Variants in PDZD2 observed in about 807,000 individuals in gnomAD.
PDZD2 encodes the protein PDZ domain-containing protein 2.
In PDZD2, 90 loss-of-function variants were observed where a neutral mutation model predicts 220.7. That is an observed-to-expected ratio of 0.41 (90% CI 0.34 to 0.49). The LOEUF (loss-of-function observed/expected upper bound fraction) is 0.49, where lower values mean the gene tolerates loss of function less well. Ranked by LOEUF, PDZD2 falls within the 20% of genes least tolerant of loss-of-function variation. The pLI, the probability that PDZD2 is intolerant of heterozygous loss-of-function variation, is 0.28. For synonymous variants in PDZD2, 1,375 were observed against 1,450.5 expected, an observed-to-expected ratio of 0.95 and a Z score of 1.18; for missense variants, 3,174 against 3,608.5, an observed-to-expected ratio of 0.88 and a Z score of 3.08.
At chr5:31,727,072 G>T (rs1749190107) in intron 1 of PDZD2, among the ~76,000 whole-genome samples, 1 of 152,146 alleles carries the variant, frequency 6.6e-6, no homozygotes, top group Admixed American at 6.5e-5. Flanking sequence ...TGCAAGAAGA[G>T]CTCACTCACT....
chr5:31,811,019 G>A (rs758305868), intron 2 of PDZD2, among the ~76,000 whole-genome samples: 2 of 151,932 alleles, frequency 1.3e-5, no homozygotes, highest in Admixed American at 6.6e-5. Context: ...TCTCGCTGTC[G>A]CCTAGGCTGG....
intron 1 of PDZD2, among the ~76,000 whole-genome samples, chr5:31,750,357 G>A (rs545734026): frequency 6.6e-6 from 1 of 152,268 alleles, no homozygotes; most frequent in African/African-American, 2.4e-5. Flanking sequence ...CTTTGGGCAG[G>A]GCCCTACAGA....
chr5:31,947,224 GGTT>G (rs1248416763), intron 2 of PDZD2, among the ~76,000 whole-genome samples: 2 of 152,200 alleles, frequency 1.3e-5, no homozygotes, highest in Non-Finnish European at 2.9e-5. Flanking sequence ...TGTACTCTCT[GGTT>G]GTTGATGAAA....
chr5:31,679,999 A>G (rs1222647606), intron 1 of PDZD2, among the ~76,000 whole-genome samples: 1 of 152,248 alleles, frequency 6.6e-6, no homozygotes, highest in South Asian at 2.1e-4. Context: ...CAAAATGTTT[A>G]GCTCCAAAAG....
intron 2 of PDZD2, among the ~76,000 whole-genome samples, chr5:31,976,666 C>A (rs1215161570): frequency 6.8e-6 from 1 of 147,142 alleles, no homozygotes; most frequent in African/African-American, 2.5e-5. Flanking sequence ...GGTGGTGATA[C>A]AAGTTACTTT....
At chr5:32,092,106 T>G (rs1044307239) in intron 20 of PDZD2, among the ~76,000 whole-genome samples, 1 of 151,610 alleles carries the variant, frequency 6.6e-6, no homozygotes, top group African/African-American at 2.4e-5. Context: ...AAACCCCATC[T>G]CTACTAAAAA....
chr5:31,804,948 C>T (rs1015823586), intron 2 of PDZD2, among the ~76,000 whole-genome samples: 2 of 152,244 alleles, frequency 1.3e-5, no homozygotes, highest in African/African-American at 4.8e-5. Flanking sequence ...AATCCCAGCA[C>T]TTTGGGAGGC....
At position 32,089,401 on chromosome 5, in the gene PDZD2, C is replaced by T. The variant is rs1742853376; in HGVS notation, c.5953C>T (p.Pro1985Ser). The T allele has an allele frequency of 6.2e-7, 1 of 1,613,966 alleles. No homozygotes were observed. ...SDTSIRTFVSPLTSPKPVPEQ... is the reference protein window; with the variant it reads ...SDTSIRTFVSSLTSPKPVPEQ... ...CACGAGCATCAGGACATTTGTCTCGCCCCTGACCTCTCCCAAGCCTGTTCC... is the reference window on the plus strand; with the variant it reads ...CACGAGCATCAGGACATTTGTCTCGTCCCTGACCTCTCCCAAGCCTGTTCC... The change falls in exon 20 of 25, where the codon CCC becomes TCC. Residue 1985 changes from proline (P) to serine (S), a missense_variant. Around this residue, in one of 4 missense-constraint regions of PDZD2, gnomAD observed 1,861 missense variants for 2,001.0 expected, o/e 0.93. Transcript: ENST00000438447.
Position 31,982,535 on chromosome 5 carries a change from T to G in PDZD2, c.477-620T>G, listed in dbSNP as rs1229373915. Among the ~76,000 whole-genome samples the G allele has an allele frequency of 5.3e-5, 8 of 152,164 alleles. No homozygotes were observed. The East Asian group carries it at 1.5e-3, about 29-fold the overall frequency. ...GTTACCCAAGCTGGTCTCAAACCCC[T>G]GGACTCAAGTGGTCTGCCCACTTGG... On this transcript the variant is annotated intron_variant, in intron 2 of 24. Transcript: ENST00000438447.
chr5:31,810,173 T>A (rs188144883), intron 2 of PDZD2, among the ~76,000 whole-genome samples: 2 of 152,148 alleles, frequency 1.3e-5, no homozygotes, highest in Admixed American at 6.6e-5. Context: ...ATCTTTTCTG[T>A]CCGGGTACTA....
At chr5:31,926,721 A>G (rs867555077) in intron 2 of PDZD2, among the ~76,000 whole-genome samples, 15 of 152,158 alleles carry the variant, frequency 9.9e-5, no homozygotes, top group South Asian at 4.1e-4. Context: ...TACTAGGTAT[A>G]TACCTGAAAG....
At chr5:32,003,855 G>T (rs1254740438) in intron 5 of PDZD2, among the ~76,000 whole-genome samples, 1 of 152,134 alleles carries the variant, frequency 6.6e-6, no homozygotes, top group Non-Finnish European at 1.5e-5. Flanking sequence ...GGGATTACAG[G>T]TGCCCACCAC....
At chr5:31,957,575 G>T (rs540326059) in intron 2 of PDZD2, among the ~76,000 whole-genome samples, 39 of 152,304 alleles carry the variant, frequency 2.6e-4, no homozygotes, top group African/African-American at 9.4e-4. Context: ...AGATATCCAG[G>T]TCATCCCTCA....
chr5:31,850,243 T>TATACACACAC (rs577432352), intron 2 of PDZD2, among the ~76,000 whole-genome samples: 48 of 122,236 alleles, frequency 3.9e-4, no homozygotes, highest in African/African-American at 8.1e-4. Flanking sequence ...TATATATATA[T>TATACACACAC]ACACACACAC....
At chr5:31,983,721 G>C in intron 3 of PDZD2, 65 bp downstream of exon 3, 1 of 1,483,620 alleles carries the variant, frequency 6.7e-7, no homozygotes, top group Non-Finnish European at 9.2e-7. Context: ...TGTTTTTGCA[G>C]CCCAGCCCAT....
intron 1 of PDZD2, among the ~76,000 whole-genome samples, chr5:31,696,378 C>A (rs1747380545): frequency 6.6e-6 from 1 of 152,182 alleles, no homozygotes; most frequent in African/African-American, 2.4e-5. Flanking sequence ...TAGCTTACTG[C>A]AGCCTCAGAC....
chr5:31,697,816 C>A (rs1193304063), intron 1 of PDZD2, among the ~76,000 whole-genome samples: 1 of 152,158 alleles, frequency 6.6e-6, no homozygotes, highest in Non-Finnish European at 1.5e-5. Context: ...TTGGGATGCC[C>A]TGGCAGTGGC....
chr5:31,930,154 G>A (rs12659183), intron 2 of PDZD2, among the ~76,000 whole-genome samples: 140,093 of 149,352 alleles, frequency 0.94, 65,717 homozygotes, highest in Middle Eastern at 0.96. Context: ...CAGTGTGCCA[G>A]TTAAACCTCT....
intron 1 of PDZD2, among the ~76,000 whole-genome samples, chr5:31,686,233 A>C (rs1217693660): frequency 2.0e-5 from 3 of 152,236 alleles, no homozygotes; most frequent in African/African-American, 7.2e-5. Flanking sequence ...CAAAAAAAAA[A>C]ATAGCCATAA....
Sources: gnomAD v4.1 joint callset for allele counts (sites outside exome capture counted in the v4.1 genomes callset) on GRCh38, gnomAD v4.1.1 for gene constraint, gnomAD v4.1.1 regional missense constraint, MANE v1.5 for transcripts, NCBI Gene and HGNC (gene_info 2026-07-23, HGNC 2026-07-21) for gene names.